The following SCHIP1 variants were observed in gnomAD, a reference collection of about 807,000 sequenced individuals.
SCHIP1 encodes schwannomin interacting protein 1, also known as schwannomin-interacting protein 1.
Under a neutral mutation model 29.7 loss-of-function variants are expected in SCHIP1, and 8 were observed. That is an observed-to-expected ratio of 0.27 (90% confidence interval 0.16 to 0.49). SCHIP1 has a LOEUF of 0.49. Among genes scored for constraint, SCHIP1 ranks in the 20% least tolerant of loss-of-function variants. The pLI is 0.99. For missense variants in SCHIP1, 193 were observed against 294.6 expected (o/e 0.66, Z 2.52); for synonymous variants, 76 against 94.9 (o/e 0.80, Z 1.16).
chr3:159,471,875 A>G, the SCHIP1 span, among the ~76,000 whole-genome samples: 1 of 152,144 alleles, frequency 6.6e-6, no homozygotes, highest in Non-Finnish European at 1.5e-5. Context: ...ACAGCATGCT[A>G]TCCTGTTATG....
At chr3:159,746,855 G>T in the SCHIP1 span, among the ~76,000 whole-genome samples, 1 of 152,116 alleles carries the variant, frequency 6.6e-6, no homozygotes, top group Admixed American at 6.6e-5. Context: ...TTCAGCCTTT[G>T]GGGAACTTCA....
At chr3:159,467,093 A>G in the SCHIP1 span, among the ~76,000 whole-genome samples, 8 of 151,994 alleles carry the variant, frequency 5.3e-5, no homozygotes, top group African/African-American at 1.7e-4. Flanking sequence ...CTGTACCTCT[A>G]TCTCTGTGTG....
At chr3:159,375,406 G>A in the SCHIP1 span, among the ~76,000 whole-genome samples, 1 of 152,188 alleles carries the variant, frequency 6.6e-6, no homozygotes, top group East Asian at 1.9e-4. Flanking sequence ...CAATGTCACA[G>A]CAGTTTGAAG....
the SCHIP1 span, among the ~76,000 whole-genome samples, chr3:159,387,982 T>A: frequency 6.6e-6 from 1 of 152,202 alleles, no homozygotes; most frequent in Non-Finnish European, 1.5e-5. Context: ...GAAGAGCTAT[T>A]AGAAACATAA....
chr3:159,737,587 G>A, the SCHIP1 span, among the ~76,000 whole-genome samples: 5 of 152,170 alleles, frequency 3.3e-5, no homozygotes, highest in African/African-American at 1.2e-4. Flanking sequence ...AATTGTAACA[G>A]GCACTGTGCT....
chr3:159,552,859 T>C, the SCHIP1 span, among the ~76,000 whole-genome samples: 3 of 152,234 alleles, frequency 2.0e-5, no homozygotes, highest in African/African-American at 7.2e-5. Context: ...ACAAGCTTGC[T>C]CATTCTGTAC....
chr3:159,736,516 T>C, the SCHIP1 span, among the ~76,000 whole-genome samples: 1 of 152,194 alleles, frequency 6.6e-6, no homozygotes, highest in Non-Finnish European at 1.5e-5. Flanking sequence ...CTTAAGCTTT[T>C]CAGATGTAAT....
At chr3:159,852,397 A>G (rs1468984488) in intron 1 of SCHIP1, among the ~76,000 whole-genome samples, 1 of 152,152 alleles carries the variant, frequency 6.6e-6, no homozygotes, top group Non-Finnish European at 1.5e-5. Flanking sequence ...ACTGGGCATA[A>G]TTTTTAGTTT....
chr3:159,588,891 T>C, the SCHIP1 span, among the ~76,000 whole-genome samples: 4 of 152,354 alleles, frequency 2.6e-5, no homozygotes, highest in African/African-American at 4.8e-5. Context: ...TGAAGTCAGG[T>C]AGCGTGATGC....
intron 6 of SCHIP1, 21 bp downstream of exon 7, chr3:159,892,211 G>A (rs552005588): frequency 1.9e-6 from 3 of 1,613,858 alleles, no homozygotes; most frequent in African/African-American, 1.3e-5. Flanking sequence ...CTTCACTCTT[G>A]CCAAAGAAGA....
the SCHIP1 span, among the ~76,000 whole-genome samples, chr3:159,294,506 G>A: frequency 9.2e-5 from 14 of 152,206 alleles, no homozygotes; most frequent in South Asian, 2.1e-4. Flanking sequence ...TTGACATGAC[G>A]TTTTTCTTTC....
the SCHIP1 span, among the ~76,000 whole-genome samples, chr3:159,324,869 TTATC>T: frequency 2.0e-5 from 3 of 152,140 alleles, no homozygotes; most frequent in African/African-American, 7.2e-5. Context: ...GAATTATTAC[TTATC>T]TGAGTGATCT....
At chr3:159,807,329 A>G in the SCHIP1 span, among the ~76,000 whole-genome samples, 1 of 152,202 alleles carries the variant, frequency 6.6e-6, no homozygotes, top group South Asian at 2.1e-4. Context: ...ACACTGATGT[A>G]TGAATAAACG....
At chr3:159,629,845 G>A in the SCHIP1 span, among the ~76,000 whole-genome samples, 9 of 152,156 alleles carry the variant, frequency 5.9e-5, no homozygotes, top group African/African-American at 2.2e-4. Flanking sequence ...AGAATACAAA[G>A]ACCAATAAGG....
At chr3:159,464,248 A>G in the SCHIP1 span, among the ~76,000 whole-genome samples, 1 of 152,186 alleles carries the variant, frequency 6.6e-6, no homozygotes, top group Non-Finnish European at 1.5e-5. Flanking sequence ...AACTGTCTGC[A>G]CATTTGTATC....
chr3:159,714,612 C>T, the SCHIP1 span, among the ~76,000 whole-genome samples: 24 of 152,344 alleles, frequency 1.6e-4, no homozygotes, highest in South Asian at 4.1e-4. Context: ...GTGCCTGGCT[C>T]GGAGGGTCCT....
the SCHIP1 span, among the ~76,000 whole-genome samples, chr3:159,633,385 G>A: frequency 4.6e-5 from 7 of 152,250 alleles, no homozygotes; most frequent in African/African-American, 1.2e-4. Context: ...AAATTGAAAG[G>A]TACCACCAAT....
chr3:159,736,580 T>G, the SCHIP1 span, among the ~76,000 whole-genome samples: 1 of 152,162 alleles, frequency 6.6e-6, no homozygotes, highest in African/African-American at 2.4e-5. Flanking sequence ...CACCAGCTTC[T>G]TGCCTTCATT....
At chr3:159,763,778 C>G in the SCHIP1 span, 44 of 152,376 alleles carry the variant, frequency 2.9e-4, 1 homozygote, top group African/African-American at 9.9e-4. Context: ...CCCTGCCCGG[C>G]GTGGGCCGAG....
Sources: gnomAD v4.1 joint callset for allele counts (sites outside exome capture counted in the v4.1 genomes callset) on GRCh38, gnomAD v4.1.1 for gene constraint, MANE v1.5 for transcripts, NCBI Gene and HGNC (gene_info 2026-07-23, HGNC 2026-07-21) for gene names.